Variants in STX12 observed in about 807,000 individuals in gnomAD.
The protein encoded by STX12 is syntaxin 12, also known as syntaxin-12.
STX12 carries 17 observed loss-of-function variants against 42.2 expected under a neutral mutation model. That is an observed-to-expected ratio of 0.40 (90% confidence interval 0.28 to 0.60). The LOEUF (loss-of-function observed/expected upper bound fraction) is 0.60. Among genes scored for constraint, STX12 ranks in the 20% least tolerant of loss-of-function variants. The pLI is 0.39. For synonymous variants in STX12, 108 were observed against 116.7 expected (o/e 0.93, Z 0.48); for missense variants, 297 against 330.9 (o/e 0.90, Z 0.79).
intron 1 of STX12, among the ~76,000 whole-genome samples, chr1:27,784,932 C>G (rs1338718568): frequency 6.6e-6 from 1 of 151,822 alleles, no homozygotes; most frequent in Non-Finnish European, 1.5e-5. Flanking sequence ...ATCTTTCCAC[C>G]CCCCAAATTT....
chr1:27,814,044 G>A (rs962522462), intron 6 of STX12, among the ~76,000 whole-genome samples: 2 of 152,088 alleles, frequency 1.3e-5, no homozygotes, highest in African/African-American at 4.8e-5. Flanking sequence ...AAGATTATAG[G>A]TGCCCGCCAC....
At chr1:27,784,096 C>T (rs1243810064) in intron 1 of STX12, among the ~76,000 whole-genome samples, 3 of 152,056 alleles carry the variant, frequency 2.0e-5, no homozygotes, top group Non-Finnish European at 4.4e-5. Context: ...AGGAGAATCG[C>T]TTGAACCTGG....
At chr1:27,796,598 C>T (rs2088787257) in intron 3 of STX12, among the ~76,000 whole-genome samples, 1 of 152,124 alleles carries the variant, frequency 6.6e-6, no homozygotes, top group Non-Finnish European at 1.5e-5. Flanking sequence ...TGCTATGTTG[C>T]CCAGGCTGGT....
At chr1:27,809,738 G>A (rs1184099194) in intron 4 of STX12, among the ~76,000 whole-genome samples, 1 of 151,976 alleles carries the variant, frequency 6.6e-6, no homozygotes, top group Non-Finnish European at 1.5e-5. Context: ...GATTACAGGC[G>A]TGAGCCACTG....
chr1:27,773,492 G>C, intron 1 of STX12, 67 bp downstream of exon 1: 1 of 1,464,540 alleles, frequency 6.8e-7, no homozygotes, highest in African/African-American at 1.4e-5. Flanking sequence ...AGGCTGCCGG[G>C]ACGCAGGGCC....
At chr1:27,803,871 C>T (rs1383507264) in intron 4 of STX12, among the ~76,000 whole-genome samples, 1 of 151,784 alleles carries the variant, frequency 6.6e-6, no homozygotes. Flanking sequence ...CGTGGTAGCG[C>T]GTGCCTGTAA....
At chr1:27,787,660 A>G (rs559900912) in intron 1 of STX12, among the ~76,000 whole-genome samples, 2 of 148,254 alleles carry the variant, frequency 1.3e-5, no homozygotes, top group Non-Finnish European at 3.0e-5. Context: ...CTCTGTATCA[A>G]AAAAAAAAAA....
At chr1:27,782,978 GTAAA>G (rs2088678527) in intron 1 of STX12, among the ~76,000 whole-genome samples, 1 of 152,156 alleles carries the variant, frequency 6.6e-6, no homozygotes, top group East Asian at 1.9e-4. Flanking sequence ...CTCATTTGGT[GTAAA>G]TAATGTTTTT....
At chr1:27,781,484 C>T (rs1185372353) in intron 1 of STX12, among the ~76,000 whole-genome samples, 7 of 152,086 alleles carry the variant, frequency 4.6e-5, no homozygotes, top group African/African-American at 1.4e-4. Context: ...CATTGCTTTA[C>T]CTATTTCTCA....
chr1:27,816,742 C>G (rs1008255861), intron 6 of STX12, among the ~76,000 whole-genome samples: 20 of 151,590 alleles, frequency 1.3e-4, no homozygotes, highest in African/African-American at 3.9e-4. Flanking sequence ...CATGGTGAAA[C>G]CCCGTCTCTA....
At chr1:27,797,820 C>T (rs1475058731) in intron 3 of STX12, among the ~76,000 whole-genome samples, 1 of 151,542 alleles carries the variant, frequency 6.6e-6, no homozygotes, top group East Asian at 1.9e-4. Flanking sequence ...GCCTTTTGAC[C>T]TAATATTCTC....
chr1:27,815,232 G>A (rs192115534), intron 6 of STX12, among the ~76,000 whole-genome samples: 19 of 152,304 alleles, frequency 1.2e-4, no homozygotes, highest in African/African-American at 4.3e-4. Flanking sequence ...CGAATGTACC[G>A]TTATAGCAAA....
intron 1 of STX12, among the ~76,000 whole-genome samples, chr1:27,786,042 A>G (rs2088696311): frequency 6.6e-6 from 1 of 152,184 alleles, no homozygotes; most frequent in Non-Finnish European, 1.5e-5. Flanking sequence ...AGAGACTGTA[A>G]TGTGGCACAT....
chr1:27,801,836 A>G, intron 4 of STX12, 21 bp downstream of exon 4: 6 of 1,567,444 alleles, frequency 3.8e-6, no homozygotes, highest in Non-Finnish European at 5.1e-6. Context: ...TCCCAAAAGA[A>G]GACCTTTGCA....
At chr1:27,786,062 G>A (rs1301212920) in intron 1 of STX12, among the ~76,000 whole-genome samples, 3 of 152,170 alleles carry the variant, frequency 2.0e-5, no homozygotes, top group African/African-American at 7.2e-5. Flanking sequence ...TTCCACTGCA[G>A]TTAGCCCTGG....
At position 27,822,452 on chromosome 1, in the gene STX12, A is replaced by T; in HGVS notation, c.*123A>T. On this transcript the variant is annotated 3_prime_UTR_variant, in exon 9 of 9. Transcript: ENST00000373943. ...GAACGTCCTGTAATCATTTAGTTAG[A>T]AACTAACTACTAACTAGTCTTTGGA... 1.5e-6 allele frequency: 1 copy of T among 659,888 alleles called. No homozygotes were observed. Among genetic ancestry groups the T allele is most frequent in the Non-Finnish European group, 2.8e-6 (1 of 363,112 alleles). 40.9% of individuals were successfully genotyped at this position (659,888 alleles called of 1,614,324 possible).
intron 1 of STX12, among the ~76,000 whole-genome samples, chr1:27,778,699 G>GA (rs374294160): frequency 0.038 from 4,591 of 119,646 alleles, 241 homozygotes; most frequent in African/African-American, 0.12. Flanking sequence ...TCCATCTCAG[G>GA]AAAAAAAAAA....
chr1:27,788,431 T>C (rs987615078), intron 1 of STX12, among the ~76,000 whole-genome samples: 1 of 152,206 alleles, frequency 6.6e-6, no homozygotes, highest in African/African-American at 2.4e-5. Flanking sequence ...TGATAGATGA[T>C]CAGTTCCTCT....
chr1:27,780,049 C>T (rs908883963), intron 1 of STX12, among the ~76,000 whole-genome samples: 2 of 151,722 alleles, frequency 1.3e-5, no homozygotes, highest in African/African-American at 4.8e-5. Context: ...CCTTGGCCTC[C>T]CAAAGTGCTG....
Sources: allele counts gnomAD v4.1 joint callset (sites outside exome capture counted in the v4.1 genomes callset), GRCh38; gene constraint gnomAD v4.1.1; transcripts MANE v1.5; gene names NCBI Gene and HGNC (gene_info 2026-07-23, HGNC 2026-07-21).